The following TMEM62 variants were observed in gnomAD, a reference collection of about 807,000 sequenced individuals.
TMEM62 encodes the protein transmembrane protein 62.
TMEM62 carries 41 observed loss-of-function variants against 70.4 expected under a neutral mutation model. The observed-to-expected ratio is 0.58, with a 90% CI of 0.45 to 0.76. The LOEUF is 0.76. TMEM62 is among the 30% of genes least tolerant of loss of function. The pLI, the probability that TMEM62 is intolerant of heterozygous loss-of-function variation, is 0.00. For missense variants in TMEM62, 688 were observed against 788.5 expected (o/e 0.87, Z 1.53); for synonymous variants, 268 against 291.0 (o/e 0.92, Z 0.80).
intron 7 of TMEM62, among the ~76,000 whole-genome samples, chr15:43,150,957 A>G (rs2037293587): frequency 1.3e-5 from 2 of 152,272 alleles, no homozygotes; most frequent in Admixed American, 6.5e-5. Context: ...GTTAGAAAAT[A>G]TAAAACTTTG....
chr15:43,153,689 T>C (rs1476126562), intron 8 of TMEM62, among the ~76,000 whole-genome samples: 1 of 146,184 alleles, frequency 6.8e-6, no homozygotes, highest in Non-Finnish European at 1.5e-5. Context: ...TGTGTGTGTA[T>C]ATACACACAT....
chr15:43,154,068 C>T (rs2037740969), intron 8 of TMEM62, among the ~76,000 whole-genome samples: 1 of 152,128 alleles, frequency 6.6e-6, no homozygotes, highest in African/African-American at 2.4e-5. Context: ...GGATATTATG[C>T]TTTAAAAAGT....
rs953280366 is a variant in TMEM62 at position 43,154,821 on chromosome 15, T to G, written c.1172T>G (p.Val391Gly). The change falls in exon 9 of 14, where the codon GTA (valine) becomes GGA (glycine). Residue 391 changes from valine to glycine, a missense_variant. Transcript: ENST00000260403. ...NYSSGTHNIEVIVQDSAGRSK... is the reference protein window; with the variant it reads ...NYSSGTHNIEGIVQDSAGRSK... Reference sequence around the variant, plus strand: ...AGTAGTGGGACACATAACATAGAAGTAATCGTCCAGGTAAGTTAGTAATTT... The same window carrying G: ...AGTAGTGGGACACATAACATAGAAGGAATCGTCCAGGTAAGTTAGTAATTT... 1.8e-5 allele frequency: 29 copies of G among 1,603,292 alleles called. No individual in the cohort carries two copies. Among genetic ancestry groups the G allele is most frequent in the Non-Finnish European group, 2.5e-5 (29 of 1,175,862 alleles).
At chr15:43,136,480 T>C (rs1403996941) in intron 3 of TMEM62, among the ~76,000 whole-genome samples, 1 of 152,194 alleles carries the variant, frequency 6.6e-6, no homozygotes, top group South Asian at 2.1e-4. Context: ...AGTCTCACTC[T>C]ATCACCCAGG....
At chr15:43,166,866 TC>T (rs1355533507) in intron 10 of TMEM62, among the ~76,000 whole-genome samples, 3 of 152,170 alleles carry the variant, frequency 2.0e-5, no homozygotes, top group Non-Finnish European at 4.4e-5. Context: ...AGGTCACAGA[TC>T]AACAGGATCC....
intron 9 of TMEM62, among the ~76,000 whole-genome samples, chr15:43,155,483 G>A (rs1448248940): frequency 6.6e-6 from 1 of 152,050 alleles, no homozygotes; most frequent in Non-Finnish European, 1.5e-5. Context: ...GTAACAAAGC[G>A]AGACCCTATC....
At chr15:43,163,084 T>C (rs571890428) in intron 10 of TMEM62, among the ~76,000 whole-genome samples, 1 of 152,094 alleles carries the variant, frequency 6.6e-6, no homozygotes, top group East Asian at 1.9e-4. Flanking sequence ...GGTATTTTTT[T>C]AGTTTTTAAT....
At chr15:43,182,734 G>A (rs187100685) in intron 13 of TMEM62, among the ~76,000 whole-genome samples, 30 of 152,282 alleles carry the variant, frequency 2.0e-4, no homozygotes, top group Admixed American at 7.2e-4. Flanking sequence ...GATTACAGGC[G>A]TGAGCCACTG....
At chr15:43,156,958 A>G (rs946546239) in intron 9 of TMEM62, among the ~76,000 whole-genome samples, 3 of 152,136 alleles carry the variant, frequency 2.0e-5, no homozygotes, top group Non-Finnish European at 4.4e-5. Flanking sequence ...TTATATGTAT[A>G]ACTTTAAACA....
intron 3 of TMEM62, among the ~76,000 whole-genome samples, chr15:43,137,082 A>T (rs1167102411): frequency 1.3e-5 from 2 of 152,164 alleles, no homozygotes; most frequent in Non-Finnish European, 2.9e-5. Flanking sequence ...ACAAATCTCC[A>T]TAGGCATGAA....
intron 9 of TMEM62, among the ~76,000 whole-genome samples, chr15:43,159,330 A>G (rs2038406043): frequency 6.6e-6 from 1 of 152,136 alleles, no homozygotes; most frequent in Non-Finnish European, 1.5e-5. Flanking sequence ...AGTAGGTCTT[A>G]TTCATTCTTT....
At position 43,185,057 on chromosome 15, in the gene TMEM62, GT is replaced by G; in HGVS notation, c.*475del. The G allele has an allele frequency of 4.1e-6, 1 of 244,284 alleles. No homozygotes were observed. Among genetic ancestry groups the G allele is most frequent in the Non-Finnish European group, 8.0e-6 (1 of 124,304 alleles). 15.1% of individuals were successfully genotyped at this position (244,284 alleles called of 1,614,324 possible). ...CCCTGAGATATTAGTTCCCAGGCCT[GT>G]TTTCCCACAGGATTGTGGGCTCTCT... On this transcript the variant is annotated 3_prime_UTR_variant, in exon 14 of 14. Transcript: ENST00000260403.
At chr15:43,176,346 C>T (rs550644708) in intron 11 of TMEM62, among the ~76,000 whole-genome samples, 34 of 152,324 alleles carry the variant, frequency 2.2e-4, no homozygotes, top group African/African-American at 6.0e-4. Flanking sequence ...TCTCCCAGCA[C>T]GCAGCTGGAG....
chr15:43,133,735 C>A lies in TMEM62; in HGVS notation c.-68C>A. The A allele has an allele frequency of 8.7e-7, 1 of 1,143,408 alleles. No homozygotes were observed. Among genetic ancestry groups the A allele is most frequent in the Non-Finnish European group, 1.1e-6 (1 of 893,044 alleles). The allele number at this position is 1,143,408 out of a possible 1,614,324, so 70.8% of individuals were successfully genotyped here. Reference sequence around the variant, plus strand: ...ATAGAGTCCGGAAGTGCAGGCAAAGCGGCTCCCGGGAGCGCCGCGCGGTCC... The same window carrying A: ...ATAGAGTCCGGAAGTGCAGGCAAAGAGGCTCCCGGGAGCGCCGCGCGGTCC... On this transcript the variant is annotated 5_prime_UTR_variant, in exon 1 of 14. Coordinates refer to ENST00000260403, the MANE Select transcript of TMEM62 (RefSeq NM_024956.4).
intron 4 of TMEM62, among the ~76,000 whole-genome samples, chr15:43,142,310 C>T (rs942302763): frequency 1.2e-4 from 18 of 151,838 alleles, no homozygotes; most frequent in African/African-American, 2.4e-4. Flanking sequence ...GGACTACAGG[C>T]GCCTGCCACC....
At chr15:43,143,442 G>A (rs1166903639) in intron 4 of TMEM62, among the ~76,000 whole-genome samples, 1 of 152,216 alleles carries the variant, frequency 6.6e-6, no homozygotes, top group East Asian at 1.9e-4. Flanking sequence ...TTATTGTGGT[G>A]TCAGGAACCA....
intron 10 of TMEM62, among the ~76,000 whole-genome samples, chr15:43,167,187 G>A (rs1253275860): frequency 5.9e-4 from 90 of 151,364 alleles, no homozygotes; most frequent in African/African-American, 2.0e-3. Flanking sequence ...CCTCCCTCCC[G>A]GACGGGTCGG....
intron 10 of TMEM62, among the ~76,000 whole-genome samples, chr15:43,166,525 T>G (rs950094956): frequency 6.6e-6 from 1 of 152,052 alleles, no homozygotes; most frequent in Non-Finnish European, 1.5e-5. Flanking sequence ...GATGGAGAGA[T>G]ATTTCACCAA....
intron 8 of TMEM62, among the ~76,000 whole-genome samples, chr15:43,153,179 A>G (rs748358691): frequency 6.6e-6 from 1 of 152,128 alleles, no homozygotes; most frequent in Non-Finnish European, 1.5e-5. Flanking sequence ...AAGAATTTGA[A>G]TTCTTTTATG....
Sources: allele counts gnomAD v4.1 joint callset (sites outside exome capture counted in the v4.1 genomes callset), GRCh38; gene constraint gnomAD v4.1.1; transcripts MANE v1.5; gene names NCBI Gene and HGNC (gene_info 2026-07-23, HGNC 2026-07-21).